Variants in SLC24A2 observed in about 807,000 individuals in gnomAD.
SLC24A2 encodes solute carrier family 24 member 2.
A neutral mutation model predicts 62.0 loss-of-function variants in SLC24A2; 36 were observed. That is an observed-to-expected ratio of 0.58 (90% CI 0.44 to 0.77). The LOEUF is 0.77. Among genes scored for constraint, SLC24A2 ranks in the 30% least tolerant of loss-of-function variants. The pLI is 0.00. For missense variants in SLC24A2, 846 were observed against 817.9 expected (o/e 1.03, Z -0.42); for synonymous variants, 358 against 294.0 (o/e 1.22, Z -2.23).
chr9:19,879,457 C>T, the SLC24A2 span, among the ~76,000 whole-genome samples: 1 of 152,132 alleles, frequency 6.6e-6, no homozygotes, highest in Non-Finnish European at 1.5e-5. Context: ...TCATTATTAC[C>T]TATTTAGTTT....
At chr9:19,953,653 C>A in the SLC24A2 span, among the ~76,000 whole-genome samples, 1 of 151,910 alleles carries the variant, frequency 6.6e-6, no homozygotes, top group Non-Finnish European at 1.5e-5. Context: ...TTTTTATTTC[C>A]TAATAACAAG....
chr9:20,103,090 G>T, the SLC24A2 span, among the ~76,000 whole-genome samples: 1 of 152,180 alleles, frequency 6.6e-6, no homozygotes, highest in Admixed American at 6.5e-5. Context: ...GAGTCTCACT[G>T]ACTGCTAGCA....
At chr9:19,543,628 G>C (rs1474682225) in intron 8 of SLC24A2, among the ~76,000 whole-genome samples, 3 of 151,998 alleles carry the variant, frequency 2.0e-5, no homozygotes, top group Non-Finnish European at 4.4e-5. Flanking sequence ...TGTACGTTGT[G>C]TTGTTAGTTC....
At chr9:20,083,329 A>G in the SLC24A2 span, among the ~76,000 whole-genome samples, 7 of 152,218 alleles carry the variant, frequency 4.6e-5, no homozygotes, top group East Asian at 1.2e-3. Context: ...GCACCTTACA[A>G]CTGACCAAAT....
chr9:19,599,946 A>G lies in SLC24A2; in HGVS notation c.1079-2667T>C, dbSNP rs980889559. 2.0e-5 allele frequency among the ~76,000 whole-genome samples: 3 copies of G among 152,220 alleles called. No homozygotes were observed. Among genetic ancestry groups the G allele is most frequent in the African/African-American group, 7.2e-5 (3 of 41,460 alleles). On this transcript the variant is annotated intron_variant, in intron 4 of 10. Transcript: ENST00000341998. The surrounding 1 kb of genome is among the most constrained non-coding windows in gnomAD (Gnocchi z 4.5). The stretch of plus-strand genomic sequence containing the variant: ...TTTGAACATAATTGGATTAGGATTC[A>G]AACTGGGGCTAATCCAAGGTTAGTT...
intron 2 of SLC24A2, among the ~76,000 whole-genome samples, chr9:19,761,491 T>TA (rs993941063): frequency 4.6e-5 from 7 of 151,998 alleles, no homozygotes; most frequent in Non-Finnish European, 1.0e-4. Flanking sequence ...TATTTTATTT[T>TA]ATTATTATAC....
chr9:19,737,711 G>T (rs58029686), intron 2 of SLC24A2, among the ~76,000 whole-genome samples: 1 of 151,744 alleles, frequency 6.6e-6, no homozygotes, highest in African/African-American at 2.4e-5. Context: ...AACATTATAC[G>T]TTAAAATTAA....
the SLC24A2 span, among the ~76,000 whole-genome samples, chr9:20,202,455 G>C: frequency 3.9e-5 from 6 of 152,190 alleles, no homozygotes; most frequent in Non-Finnish European, 7.3e-5. Context: ...TTGAAGTCTG[G>C]TTAATGCCTG....
chr9:19,795,015 T>C, the SLC24A2 span, among the ~76,000 whole-genome samples: 3 of 152,140 alleles, frequency 2.0e-5, no homozygotes, highest in East Asian at 1.9e-4. Context: ...GCCTCAAACA[T>C]AGGACAAGCC....
intron 4 of SLC24A2, among the ~76,000 whole-genome samples, chr9:19,607,934 G>A (rs976500850): frequency 1.3e-5 from 2 of 152,100 alleles, no homozygotes; most frequent in East Asian, 3.9e-4. Context: ...TTTCAACCAT[G>A]TTTCAAATTC....
chr9:20,274,986 G>T, the SLC24A2 span, among the ~76,000 whole-genome samples: 1 of 152,200 alleles, frequency 6.6e-6, no homozygotes, highest in South Asian at 2.1e-4. Flanking sequence ...ACCTCAGTCA[G>T]ACCCTAGATG....
chr9:19,534,725 A>T (rs1448308336), intron 8 of SLC24A2, among the ~76,000 whole-genome samples: 1 of 152,162 alleles, frequency 6.6e-6, no homozygotes, highest in African/African-American at 2.4e-5. Context: ...TCCATGGTGT[A>T]TATGTGGCAC....
intron 2 of SLC24A2, among the ~76,000 whole-genome samples, chr9:19,711,147 A>C (rs1299090580): frequency 2.0e-5 from 3 of 152,190 alleles, no homozygotes; most frequent in Non-Finnish European, 4.4e-5. Context: ...GGGGTCTGTG[A>C]GGTCAAAACT....
intron 2 of SLC24A2, among the ~76,000 whole-genome samples, chr9:19,636,340 T>C (rs1457041856): frequency 5.4e-4 from 19 of 35,430 alleles, no homozygotes; most frequent in African/African-American, 2.7e-3. Flanking sequence ...TCTTTCTTTC[T>C]TTCTTTCTTT....
the SLC24A2 span, among the ~76,000 whole-genome samples, chr9:20,265,801 A>C: frequency 6.6e-6 from 1 of 152,212 alleles, no homozygotes; most frequent in Admixed American, 6.5e-5. Flanking sequence ...AAATGGGAGA[A>C]ATATCGCTGA....
chr9:19,732,200 CCT>C (rs1347273847), intron 2 of SLC24A2, among the ~76,000 whole-genome samples: 2 of 152,280 alleles, frequency 1.3e-5, no homozygotes, highest in East Asian at 3.9e-4. Flanking sequence ...CAGCCCAGCC[CCT>C]GACCCCTAGT....
chr9:20,051,657 C>CTTTTTTTTT, the SLC24A2 span, among the ~76,000 whole-genome samples: 67 of 73,508 alleles, frequency 9.1e-4, 6 homozygotes, highest in South Asian at 2.3e-3. Context: ...TTTTCTTTCT[C>CTTTTTTTTT]TTTTTTTTTT....
chr9:20,168,015 G>A, the SLC24A2 span, among the ~76,000 whole-genome samples: 1 of 151,976 alleles, frequency 6.6e-6, no homozygotes, highest in East Asian at 2.0e-4. Context: ...ACTGATCAGG[G>A]TTTCAAACCA....
chr9:20,056,526 C>T, the SLC24A2 span, among the ~76,000 whole-genome samples: 1 of 152,132 alleles, frequency 6.6e-6, no homozygotes, highest in Non-Finnish European at 1.5e-5. Context: ...GAGTACACAG[C>T]TTTTCTTAAT....
Sources: allele counts gnomAD v4.1 joint callset (sites outside exome capture counted in the v4.1 genomes callset), GRCh38; gene constraint gnomAD v4.1.1; non-coding constraint Gnocchi (gnomAD v3.1); transcripts MANE v1.5; gene names NCBI Gene and HGNC (gene_info 2026-07-23, HGNC 2026-07-21).